The following ZNF565 variants were observed in gnomAD, a reference collection of about 807,000 sequenced individuals.
ZNF565 encodes the protein zinc finger protein 565.
Under a neutral mutation model 39.4 loss-of-function variants are expected in ZNF565, and 27 were observed. The ratio of observed to expected loss-of-function variants is 0.69; its 90% CI spans 0.51 to 0.95. The LOEUF (loss-of-function observed/expected upper bound fraction) is 0.95. Ranked by LOEUF, ZNF565 falls within the 40% of genes least tolerant of loss-of-function variation. The pLI, the probability that ZNF565 is intolerant of heterozygous loss-of-function variation, is 0.00. For missense variants in ZNF565, 524 were observed against 621.1 expected, an observed-to-expected ratio of 0.84 and a Z score of 1.66; for synonymous variants, 185 against 216.6, an observed-to-expected ratio of 0.85 and a Z score of 1.28.
intron 1 of ZNF565, among the ~76,000 whole-genome samples, chr19:36,234,917 C>G (rs1038117458): frequency 6.6e-6 from 1 of 152,098 alleles, no homozygotes; most frequent in African/African-American, 2.4e-5. Context: ...TCAACTGTTC[C>G]TTACACTTTT....
At chr19:36,244,849 TA>T (rs775546485) in intron 1 of ZNF565, among the ~76,000 whole-genome samples, 2,527 of 129,186 alleles carry the variant, frequency 0.02, 50 homozygotes, top group African/African-American at 0.064. Flanking sequence ...GACTACGTCT[TA>T]AAAAAAAAAA....
intron 1 of ZNF565, among the ~76,000 whole-genome samples, chr19:36,208,859 GTCTAAT>G (rs1976250047): frequency 6.6e-6 from 1 of 152,040 alleles, no homozygotes; most frequent in African/African-American, 2.4e-5. Flanking sequence ...TTGAGGTAGG[GTCTAAT>G]TCTGTCACTC....
At chr19:36,190,783 G>A (rs371238095) in intron 4 of ZNF565, among the ~76,000 whole-genome samples, 73 of 151,964 alleles carry the variant, frequency 4.8e-4, no homozygotes, top group African/African-American at 1.7e-3. Context: ...CTTGAGGTCA[G>A]GAGTTTGAGA....
chr19:36,195,290 C>T lies in ZNF565; in HGVS notation c.10-134G>A, dbSNP rs1007974028. ...CCCGATATGCACCAGTCTGCTTCAA[C>T]AGTTAACAAGGTGTACCCTGTTTTA... On this transcript the variant is annotated intron_variant, in intron 2 of 4. Coordinates refer to ENST00000304116, the MANE Select transcript of ZNF565 (RefSeq NM_152477.5). The T allele has an allele frequency of 2.0e-5, 22 of 1,085,864 alleles. No homozygotes were observed. In the African/African-American group the frequency reaches 3.4e-4, roughly 17 times the overall value. The allele number at this position is 1,085,864 out of a possible 1,614,324, so 67.3% of individuals were successfully genotyped here. A position where few individuals can be genotyped will look rare whatever the true frequency, so the allele number is the denominator to read the frequency against.
intron 1 of ZNF565, among the ~76,000 whole-genome samples, chr19:36,212,332 A>T (rs548312007): frequency 2.0e-5 from 3 of 152,222 alleles, no homozygotes; most frequent in Admixed American, 2.0e-4. Context: ...GAAAATGGAG[A>T]CCAGACATGG....
At chr19:36,241,864 T>C (rs1447655036) in intron 1 of ZNF565, among the ~76,000 whole-genome samples, 2 of 149,090 alleles carry the variant, frequency 1.3e-5, no homozygotes, top group Non-Finnish European at 3.0e-5. Context: ...TATACAAAAC[T>C]TAACTCAAAA....
At chr19:36,235,985 C>T (rs913740610) in intron 1 of ZNF565, 6 of 158,496 alleles carry the variant, frequency 3.8e-5, no homozygotes, top group East Asian at 1.9e-4. Context: ...TGGTTTAAAA[C>T]GTTTGTACCT....
chr19:36,226,374 C>CT (rs1315973252), intron 1 of ZNF565, among the ~76,000 whole-genome samples: 1 of 152,184 alleles, frequency 6.6e-6, no homozygotes, highest in African/African-American at 2.4e-5. Context: ...GGTGATCAAG[C>CT]TTTTTCAACA....
chr19:36,207,544 A>AC (rs1350353590), intron 1 of ZNF565, among the ~76,000 whole-genome samples: 4 of 78,660 alleles, frequency 5.1e-5, no homozygotes, highest in Admixed American at 2.4e-4. Context: ...ATCTCAAACA[A>AC]AAAAAAAAAT....
Position 36,183,082 on chromosome 19 carries a change from GTGAGT to G in ZNF565, c.879_883del (p.Gln293HisfsTer14). The G allele has an allele frequency of 1.2e-6, 2 of 1,614,192 alleles. No individual in the cohort carries two copies. The highest frequency in any genetic ancestry group is 1.7e-6 in the Non-Finnish European group (2 of 1,180,044). On this transcript the variant is annotated frameshift_variant, in exon 5 of 5. Coordinates refer to ENST00000304116, the MANE Select transcript of ZNF565 (RefSeq NM_152477.5). LOFTEE classifies it high-confidence loss of function. ...CCCTGTGTGGATTCTCCGATGCACA[GTGAGT>G]TGGGAGCCACGAATGAAAGCCTTGC...
intron 1 of ZNF565, among the ~76,000 whole-genome samples, chr19:36,244,737 G>C (rs1213239438): frequency 6.6e-6 from 1 of 151,528 alleles, no homozygotes; most frequent in African/African-American, 2.4e-5. Flanking sequence ...TGTAATCCCA[G>C]CTACTCGAGA....
chr19:36,207,592 A>AAAAAG (rs775517277), intron 1 of ZNF565, among the ~76,000 whole-genome samples: 38 of 152,212 alleles, frequency 2.5e-4, no homozygotes, highest in Admixed American at 7.9e-4. Context: ...AAACAACAAC[A>AAAAAG]AAAAGAAAAG....
In ZNF565 at chr19:36,183,647, A is replaced by G; in HGVS notation, c.319T>C (p.Cys107Arg). The change falls in exon 5 of 5, where the codon TGC becomes CGC. Residue 107 changes from cysteine (C) to arginine (R), a missense_variant. By Grantham distance (180) the Cys-to-Arg change is radical (BLOSUM62 -3). Coordinates refer to ENST00000304116, the MANE Select transcript of ZNF565 (RefSeq NM_152477.5). ...FNWEIMESLKCSDLEGSDFRA... is the reference protein window; with the variant it reads ...FNWEIMESLKRSDLEGSDFRA... Reference sequence around the variant, plus strand: ...AAATCGGAGCCCTCCAGGTCACTGCATTTAAGGCTTTCCATTATCTCCCAG... The same window carrying G: ...AAATCGGAGCCCTCCAGGTCACTGCGTTTAAGGCTTTCCATTATCTCCCAG... 6.2e-7 allele frequency: 1 copy of G among 1,614,158 alleles called. No individual in the cohort carries two copies. The highest frequency in any genetic ancestry group is 1.3e-5 in the African/African-American group (1 of 75,054).
At chr19:36,206,715 C>G (rs896578101) in intron 1 of ZNF565, among the ~76,000 whole-genome samples, 1 of 152,010 alleles carries the variant, frequency 6.6e-6, no homozygotes, top group African/African-American at 2.4e-5. Flanking sequence ...GCCTGTAATC[C>G]CAGCTACTCA....
chr19:36,215,002 A>G (rs1976533538), upstream of ZNF565: 1 of 152,280 alleles, frequency 6.6e-6, no homozygotes, highest in Non-Finnish European at 1.5e-5. Context: ...CTGAGAAGCG[A>G]CGTTGCTGGT....
chr19:36,231,373 C>G (rs906837655), intron 1 of ZNF565, among the ~76,000 whole-genome samples: 3 of 152,040 alleles, frequency 2.0e-5, no homozygotes, highest in African/African-American at 7.2e-5. Flanking sequence ...CCACACCCGG[C>G]TAATTTTTGT....
intron 1 of ZNF565, among the ~76,000 whole-genome samples, chr19:36,227,966 G>A (rs1977147754): frequency 6.6e-6 from 1 of 152,074 alleles, no homozygotes. Context: ...TTCGAGACCA[G>A]CCTGGCCAAC....
intron 1 of ZNF565, among the ~76,000 whole-genome samples, chr19:36,210,419 C>CAAAAA (rs35345882): frequency 1.5e-5 from 1 of 67,048 alleles, no homozygotes; most frequent in African/African-American, 5.8e-5. Flanking sequence ...AATTCTGTCT[C>CAAAAA]AAAAAAAAAA....
At chr19:36,206,972 G>A (rs773171614) in intron 1 of ZNF565, among the ~76,000 whole-genome samples, 47 of 152,300 alleles carry the variant, frequency 3.1e-4, no homozygotes, top group Non-Finnish European at 4.7e-4. Flanking sequence ...CAGCCTGAAT[G>A]GATGAGTGAG....
Sources: allele counts gnomAD v4.1 joint callset (sites outside exome capture counted in the v4.1 genomes callset), GRCh38; gene constraint gnomAD v4.1.1; transcripts MANE v1.5; gene names NCBI Gene and HGNC (gene_info 2026-07-23, HGNC 2026-07-21).